Variants in SCO2 observed in about 807,000 individuals in gnomAD.
SCO2 encodes synthesis of cytochrome C oxidase 2, also known as cytochrome c oxidase assembly factor SCO2.
For missense variants in SCO2, 429 were observed against 348.7 expected (o/e 1.23, Z -1.83); for synonymous variants, 195 against 148.6 (o/e 1.31, Z -2.27).
chr22:50,526,137 G>T (rs1285768890), upstream of SCO2: 2 of 1,484,526 alleles, frequency 1.3e-6, no homozygotes, highest in East Asian at 2.8e-5. Flanking sequence ...CCAGCTCCAC[G>T]GTGCCTGCGG....
At chr22:50,524,706 GAAAGCAT>G in intron 1 of SCO2, 1 of 635,538 alleles carries the variant, frequency 1.6e-6, no homozygotes, top group Non-Finnish European at 3.0e-6. Flanking sequence ...CTTGCTGACG[GAAAGCAT>G]TCCAAGTGCA....
intron 1 of SCO2, 145 bp downstream of exon 1, chr22:50,525,327 C>CG (rs1179847663): frequency 1.6e-5 from 4 of 243,934 alleles, no homozygotes; most frequent in Non-Finnish European, 3.3e-5. Context: ...GAGCCTCCCA[C>CG]GGGCGCCCCA....
intron 1 of SCO2, chr22:50,524,657 G>A (rs779524497): frequency 1.3e-5 from 9 of 691,950 alleles, no homozygotes; most frequent in South Asian, 7.5e-5. Context: ...GCCTGTCACC[G>A]CACCCTGCCC....
In SCO2 at chr22:50,524,016, G is replaced by C; in HGVS notation, c.396C>G (p.His132Gln). 1 of 1,613,450 alleles carries C rather than the reference G, an allele frequency of 6.2e-7. No individual in the cohort carries two copies. The highest frequency in any genetic ancestry group is 8.5e-7 in the Non-Finnish European group (1 of 1,180,034). ...GCTCGTCTGGGCAGATGTCAGGGCA[G>C]TGAGTGAAGCCAAAGTACATCAGCA... ...QWVLMYFGFT[H>Q]CPDICPDELE... Residue 132 changes from histidine to glutamine, a missense_variant, in exon 2 of 2, where the codon CAC becomes CAG. Physicochemically the swap from His to Gln is conservative, Grantham distance 24. Transcript: ENST00000395693.
Position 50,524,123 on chromosome 22 carries a change from C to T in SCO2, c.289G>A (p.Ala97Thr). 6.2e-7 allele frequency: 1 copy of T among 1,612,744 alleles called. No homozygotes were observed. Reference protein sequence around the residue: ...QQKRTEALRQAAVGQGDFHLL... With the variant: ...QQKRTEALRQTAVGQGDFHLL... ...TGGAAGTCGCCCTGGCCCACAGCTGCCTGGCGCAGGGCTTCTGTTCGCTTT... is the reference window on the plus strand; with the variant it reads ...TGGAAGTCGCCCTGGCCCACAGCTGTCTGGCGCAGGGCTTCTGTTCGCTTT... Residue 97 changes from alanine (A) to threonine (T), a missense_variant, in exon 2 of 2, where the codon GCA becomes ACA. By Grantham distance (58) the Ala-to-Thr change is moderately conservative. Transcript: ENST00000395693.
At chr22:50,525,745 G>A (rs1410202104), upstream of SCO2, 3 of 1,607,750 alleles carry the variant, frequency 1.9e-6, no homozygotes, top group Non-Finnish European at 2.5e-6. Flanking sequence ...CCCAAGCACT[G>A]ACAAGGTTTC....
chr22:50,525,265 G>A (rs2069293956), intron 1 of SCO2, among the ~76,000 whole-genome samples: 1 of 152,248 alleles, frequency 6.6e-6, no homozygotes, highest in African/African-American at 2.4e-5. Flanking sequence ...TCGAAGCGCC[G>A]CGCGAGCGCG....
chr22:50,525,002 C>T (rs1044555296), intron 1 of SCO2, among the ~76,000 whole-genome samples: 22 of 152,226 alleles, frequency 1.4e-4, no homozygotes, highest in East Asian at 1.9e-4. Flanking sequence ...CCACCCTCCT[C>T]ACATCCAGGC....
At chr22:50,524,675 GCACCTC>G in intron 1 of SCO2, 1 of 680,012 alleles carries the variant, frequency 1.5e-6, no homozygotes, top group Non-Finnish European at 2.8e-6. Context: ...CCCTGCACCT[GCACCTC>G]AGCAAGGTGA....
upstream of SCO2, chr22:50,525,802 AG>A (rs1203886148): frequency 1.9e-6 from 3 of 1,610,696 alleles, no homozygotes; most frequent in Admixed American, 3.3e-5. Flanking sequence ...AGCTCTGCGA[AG>A]GGCGAGGGGG....
intron 1 of SCO2, 65 bp from the exon 2 acceptor site, chr22:50,524,489 T>TG: frequency 6.7e-7 from 1 of 1,482,602 alleles, no homozygotes; most frequent in Non-Finnish European, 9.3e-7. Flanking sequence ...GGGCTGCCCC[T>TG]GCGACTTGAG....
At chr22:50,526,091 G>T (rs995494519), upstream of SCO2, 1 of 1,487,444 alleles carries the variant, frequency 6.7e-7, no homozygotes, top group Non-Finnish European at 8.9e-7. Flanking sequence ...CCGGCCCCGA[G>T]CTCGTGCAGC....
rs2069204453 is a variant in SCO2, at chr22:50,523,938, A to G, written c.474T>C (p.Pro158=). ...VRQLEAEPGL[P]PVQPVFITVD... is the part of the protein sequence containing the mutation. ...CAGTGATGAAGACAGGCTGCACTGG[A>G]GGCAAACCAGGCTCTGCTTCCAGCT... Residue 158 remains proline (P), a synonymous_variant, in exon 2 of 2, where the codon CCT becomes CCC. Coordinates refer to ENST00000395693, the MANE Select transcript of SCO2 (RefSeq NM_005138.3). The G allele has an allele frequency of 1.2e-6, 2 of 1,612,522 alleles. No individual in the cohort carries two copies. The highest frequency in any genetic ancestry group is 1.7e-6 in the Non-Finnish European group (2 of 1,179,026).
upstream of SCO2, chr22:50,525,971 C>T (rs2069343446): frequency 1.5e-6 from 2 of 1,378,094 alleles, no homozygotes; most frequent in Non-Finnish European, 9.3e-7. Flanking sequence ...GGCGGGGGTG[C>T]GGGGCCAGCA....
chr22:50,525,954 G>A, upstream of SCO2: 7 of 1,401,226 alleles, frequency 5.0e-6, no homozygotes, highest in South Asian at 6.3e-5. Context: ...CCGCGCGGCC[G>A]GAGCTGGGCG....
chr22:50,526,201 A>G, upstream of SCO2: 2 of 1,486,556 alleles, frequency 1.3e-6, no homozygotes, highest in South Asian at 1.3e-5. Flanking sequence ...CGGGAAGGGA[A>G]GGGGATGGCG....
upstream of SCO2, chr22:50,525,621 C>G: frequency 1.6e-6 from 2 of 1,238,250 alleles, no homozygotes; most frequent in Non-Finnish European, 1.1e-6. Flanking sequence ...CATGCGCACA[C>G]GGGCGCAGCC....
At position 50,524,790 on chromosome 22, in the gene SCO2, C is replaced by A. The variant is rs964011048; in HGVS notation, c.-13-366G>T. On this transcript the variant is annotated intron_variant, in intron 1 of 1. Transcript: ENST00000395693. ...CCATTTCTTAAAAGGAGGTGGGTAA[C>A]TCTCTGGCTTGCAATCCCCGAGAGC... The A allele has an allele frequency of 9.2e-5, 37 of 400,772 alleles. 1 individual carries two copies. The highest frequency in any genetic ancestry group is 2.8e-4 in the South Asian group (15 of 54,276). The allele number at this position is 400,772 out of a possible 1,614,324, so 24.8% of individuals were successfully genotyped here.
rs753614511 is a variant in SCO2 at position 50,523,904 on chromosome 22, C to T, written c.508G>A (p.Glu170Lys). Residue 170 changes from glutamate (E) to lysine (K), a missense_variant, in exon 2 of 2, where the codon GAG (glutamate) becomes AAG (lysine). Coordinates refer to ENST00000395693, the MANE Select transcript of SCO2 (RefSeq NM_005138.3). ...GCCATGGCTTCAACGTCGTCCCGCT[C>T]GGGGTCCACAGTGATGAAGACAGGC... Reference protein sequence around the residue: ...VQPVFITVDPERDDVEAMARY... With the variant: ...VQPVFITVDPKRDDVEAMARY... 2.4e-5 allele frequency: 38 copies of T among 1,613,648 alleles called. No individual in the cohort carries two copies. Among genetic ancestry groups the T allele is most frequent in the Non-Finnish European group, 2.7e-5 (32 of 1,179,978 alleles).
Sources: allele counts gnomAD v4.1 joint callset (sites outside exome capture counted in the v4.1 genomes callset), GRCh38; gene constraint gnomAD v4.1.1; transcripts MANE v1.5; gene names NCBI Gene and HGNC (gene_info 2026-07-23, HGNC 2026-07-21).